VAPA: variants seen among roughly 807,000 people sequenced by gnomAD.
The protein encoded by VAPA is VAMP associated protein A.
A neutral mutation model predicts 25.6 loss-of-function variants in VAPA; 6 were observed. That is an observed-to-expected ratio of 0.23 (90% CI 0.13 to 0.46). VAPA has a LOEUF of 0.46. VAPA is among the 20% of genes least tolerant of loss of function. VAPA has a pLI of 0.99. For missense variants in VAPA, 244 were observed against 302.1 expected (o/e 0.81, Z 1.43); for synonymous variants, 112 against 106.2 (o/e 1.05, Z -0.34).
chr18:9,915,513 TTTAG>T (rs1173971133), intron 1 of VAPA, among the ~76,000 whole-genome samples: 3 of 152,092 alleles, frequency 2.0e-5, no homozygotes, highest in African/African-American at 7.2e-5. Context: ...CCTTCCTATC[TTTAG>T]TTAAGTGTAA....
In VAPA at chr18:9,955,709, A is replaced by T. The variant is rs909374639; in HGVS notation, c.*1498A>T. Reference sequence around the variant, plus strand: ...GTATTTTGGTTGCCTTTTCATTTCAACTGTGTTTTGAATTTGTCAGATCAC... The same window carrying T: ...GTATTTTGGTTGCCTTTTCATTTCATCTGTGTTTTGAATTTGTCAGATCAC... On this transcript the variant is annotated 3_prime_UTR_variant, in exon 6 of 6. Transcript: ENST00000400000. 2.0e-5 allele frequency: 3 copies of T among 152,278 alleles called. No homozygotes were observed. Among genetic ancestry groups the T allele is most frequent in the African/African-American group, 7.2e-5 (3 of 41,564 alleles). The allele number at this position is 152,278 out of a possible 1,614,324, so 9.4% of individuals were successfully genotyped here. A position where few individuals can be genotyped will look rare whatever the true frequency, so the allele number is the denominator to read the frequency against.
chr18:9,948,370 T>A (rs1361542479), intron 4 of VAPA: 3 of 152,176 alleles, frequency 2.0e-5, no homozygotes, highest in African/African-American at 7.2e-5. Context: ...AGGCATAGAA[T>A]AGAATATTTA....
chr18:9,936,751 C>A, intron 3 of VAPA: 1 of 437,784 alleles, frequency 2.3e-6, no homozygotes, highest in East Asian at 3.7e-5. Context: ...AGAAGAAAGT[C>A]CTATGGTTGC....
rs1327511778 is a variant in VAPA at position 9,955,801 on chromosome 18, C to G, written c.*1590C>G. On this transcript the variant is annotated 3_prime_UTR_variant, in exon 6 of 6. Coordinates refer to ENST00000400000, the MANE Select transcript of VAPA (RefSeq NM_194434.3). The stretch of plus-strand genomic sequence containing the variant: ...ACCTCTTGCTTGTGTGCAAAAGTTC[C>G]TAAAAGGAAACACAAGTAATGCCTA... 6.6e-6 allele frequency: 1 copy of G among 152,126 alleles called. No homozygotes were observed. The highest frequency in any genetic ancestry group is 1.5e-5 in the Non-Finnish European group (1 of 68,020). 9.4% of individuals were successfully genotyped at this position (152,126 alleles called of 1,614,324 possible). A position where few individuals can be genotyped will look rare whatever the true frequency, so the allele number is the denominator to read the frequency against.
intron 1 of VAPA, among the ~76,000 whole-genome samples, chr18:9,915,482 A>G (rs564848344): frequency 6.0e-4 from 92 of 152,202 alleles, no homozygotes; most frequent in Admixed American, 7.8e-4. Context: ...AAGAGTGTGA[A>G]CATCTAATAG....
intron 4 of VAPA, among the ~76,000 whole-genome samples, chr18:9,945,294 G>A (rs889870790): frequency 6.8e-6 from 1 of 147,956 alleles, no homozygotes; most frequent in East Asian, 2.0e-4. Flanking sequence ...GACAGTATAA[G>A]TGTGAACATT....
chr18:9,936,104 A>G lies in VAPA; in HGVS notation c.233-6A>G, dbSNP rs553302003. On this transcript the variant is annotated splice_region_variant and splice_polypyrimidine_tract_variant and intron_variant, in intron 2 of 5. Transcript: ENST00000400000. The stretch of plus-strand genomic sequence containing the variant: ...CAATATAATATATCCTTTTTTTCTT[A>G]TTTAGTAATGCTACAGCCCTTTGAC... 3 of 1,578,946 alleles carry G rather than the reference A, an allele frequency of 1.9e-6. No individual in the cohort carries two copies. The highest frequency in any genetic ancestry group is 1.2e-5 in the South Asian group (1 of 85,026).
intron 5 of VAPA, 46 bp downstream of exon 5, chr18:9,950,614 G>C: frequency 3.2e-6 from 5 of 1,576,658 alleles, no homozygotes; most frequent in Non-Finnish European, 4.3e-6. Context: ...TGAAGGTATA[G>C]GACATGTGAG....
At chr18:9,920,511 C>T (rs547856247) in intron 1 of VAPA, among the ~76,000 whole-genome samples, 1 of 152,300 alleles carries the variant, frequency 6.6e-6, no homozygotes, top group South Asian at 2.1e-4. Flanking sequence ...CCCTGTGGGC[C>T]AGGCTGGTCT....
chr18:9,948,712 C>G (rs930694499), intron 4 of VAPA: 7 of 152,340 alleles, frequency 4.6e-5, no homozygotes, highest in African/African-American at 1.7e-4. Context: ...AGGTGCACAC[C>G]ACCATGCCTG....
intron 1 of VAPA, among the ~76,000 whole-genome samples, chr18:9,915,508 C>T (rs528651751): frequency 1.3e-5 from 2 of 152,042 alleles, no homozygotes; most frequent in Non-Finnish European, 2.9e-5. Context: ...AGGTTCCTTC[C>T]TATCTTTAGT....
chr18:9,958,470 T>G lies in VAPA; in HGVS notation c.*4259T>G, dbSNP rs1275103214. The G allele has an allele frequency of 1.3e-5, 2 of 152,196 alleles. No individual in the cohort carries two copies. Among genetic ancestry groups the G allele is most frequent in the Non-Finnish European group, 2.9e-5 (2 of 68,034 alleles). 9.4% of individuals were successfully genotyped at this position (152,196 alleles called of 1,614,324 possible). On this transcript the variant is annotated 3_prime_UTR_variant, in exon 6 of 6. Coordinates refer to ENST00000400000, the MANE Select transcript of VAPA (RefSeq NM_194434.3). ...GTTATTCAGATAACTTTTGTAGTAG[T>G]GATATTCAACTATAGCAGTACCTTA...
intron 1 of VAPA, among the ~76,000 whole-genome samples, chr18:9,927,958 A>T (rs1032070501): frequency 1.3e-5 from 2 of 152,052 alleles, no homozygotes; most frequent in African/African-American, 4.8e-5. Flanking sequence ...TTAATTGTAG[A>T]TTTTTTTCAA....
At position 9,957,184 on chromosome 18, in the gene VAPA, A is replaced by T. The variant is rs924923600; in HGVS notation, c.*2973A>T. The T allele has an allele frequency of 1.3e-5, 2 of 152,110 alleles. No homozygotes were observed. Among genetic ancestry groups the T allele is most frequent in the African/African-American group, 4.8e-5 (2 of 41,404 alleles). 9.4% of individuals were successfully genotyped at this position (152,110 alleles called of 1,614,324 possible). The stretch of plus-strand genomic sequence containing the variant: ...GTAGCTGGGATTACAGGTGTGAGCC[A>T]ACAAGCCCGGCTAATTTTTGTATTT... On this transcript the variant is annotated 3_prime_UTR_variant, in exon 6 of 6. Coordinates refer to ENST00000400000, the MANE Select transcript of VAPA (RefSeq NM_194434.3).
rs2069521205 is a variant in VAPA, at chr18:9,954,295, T to C, written c.*84T>C. On this transcript the variant is annotated 3_prime_UTR_variant, in exon 6 of 6. Transcript: ENST00000400000. Reference sequence around the variant, plus strand: ...TGTTTACCTACCATTTCATTGGTAGTATGGCCCACGGTGACCATTTTTTTG... The same window carrying C: ...TGTTTACCTACCATTTCATTGGTAGCATGGCCCACGGTGACCATTTTTTTG... 1.0e-5 allele frequency: 13 copies of C among 1,282,988 alleles called. No homozygotes were observed. The Admixed American group carries it at 2.8e-4, about 28-fold the overall frequency. The allele number at this position is 1,282,988 out of a possible 1,614,324, so 79.5% of individuals were successfully genotyped here. A position where few individuals can be genotyped will look rare whatever the true frequency, so the allele number is the denominator to read the frequency against.
rs751798162 is a variant in VAPA, at chr18:9,955,508, A to G, written c.*1297A>G. On this transcript the variant is annotated 3_prime_UTR_variant, in exon 6 of 6. Coordinates refer to ENST00000400000, the MANE Select transcript of VAPA (RefSeq NM_194434.3). ...CAGAAAATAGATCCAGTGTTTAGCT[A>G]CATACAATCTAGTACAAGTGAATTT... The G allele has an allele frequency of 2.6e-5, 4 of 152,220 alleles. No individual in the cohort carries two copies. Among genetic ancestry groups the G allele is most frequent in the Non-Finnish European group, 5.9e-5 (4 of 68,032 alleles). The allele number at this position is 152,220 out of a possible 1,614,324, so 9.4% of individuals were successfully genotyped here. A position where few individuals can be genotyped will look rare whatever the true frequency, so the allele number is the denominator to read the frequency against.
intron 1 of VAPA, among the ~76,000 whole-genome samples, chr18:9,916,458 GAGGTTTAGGCCAAGAGA>G (rs1378257706): frequency 6.6e-6 from 1 of 152,204 alleles, no homozygotes; most frequent in East Asian, 1.9e-4. Context: ...CATTTCAGGG[GAGGTTTAGGCCAAGAGA>G]GTGGTTGAGT....
intron 1 of VAPA, among the ~76,000 whole-genome samples, chr18:9,931,155 T>G (rs1024656308): frequency 2.6e-5 from 4 of 152,244 alleles, no homozygotes; most frequent in African/African-American, 9.6e-5. Flanking sequence ...CAGGTATTTA[T>G]TTTGTTGTCT....
chr18:9,931,325 G>T (rs527682190), intron 1 of VAPA, among the ~76,000 whole-genome samples: 7 of 152,260 alleles, frequency 4.6e-5, no homozygotes, highest in African/African-American at 1.7e-4. Context: ...ACAAATATGT[G>T]AATGAATGAA....
Sources: allele counts gnomAD v4.1 joint callset (sites outside exome capture counted in the v4.1 genomes callset), GRCh38; gene constraint gnomAD v4.1.1; transcripts MANE v1.5; gene names NCBI Gene and HGNC (gene_info 2026-07-23, HGNC 2026-07-21).